MMP26: variants seen among roughly 807,000 people sequenced by gnomAD.
The protein encoded by MMP26 is matrix metalloproteinase-26.
A neutral mutation model predicts 31.0 loss-of-function variants in MMP26; 33 were observed. The ratio of observed to expected loss-of-function variants is 1.06; its 90% CI spans 0.81 to 1.42. The LOEUF (loss-of-function observed/expected upper bound fraction) is 1.42, where lower values mean the gene tolerates loss of function less well. MMP26 is among the 40% of genes most tolerant of loss of function. The pLI, the probability that MMP26 is intolerant of heterozygous loss-of-function variation, is 0.00. For synonymous variants in MMP26, 122 were observed against 114.9 expected, an observed-to-expected ratio of 1.06 and a Z score of -0.40; for missense variants, 347 against 316.1, an observed-to-expected ratio of 1.10 and a Z score of -0.74.
At chr11:4,789,530 CTTTTTTTTTTTTT>C (rs71050429) in intron 2 of MMP26, among the ~76,000 whole-genome samples, 113 of 65,974 alleles carry the variant, frequency 1.7e-3, no homozygotes, top group African/African-American at 5.1e-3. Flanking sequence ...TATCCCCCCA[CTTTTTTTTTTTTT>C]TTTTTTTTTT....
chr11:4,716,650 CTTTTTTTTT>C (rs71050424), intron 1 of MMP26, among the ~76,000 whole-genome samples: 7 of 65,004 alleles, frequency 1.1e-4, no homozygotes, highest in Admixed American at 2.4e-4. Context: ...TCTCTTACCT[CTTTTTTTTT>C]TTTTTTTTTT....
At position 4,874,284 on chromosome 11, in the gene MMP26, T is replaced by C. The variant is rs575489010; in HGVS notation, c.-145+106943T>C. 3.9e-5 allele frequency among the ~76,000 whole-genome samples: 6 copies of C among 152,132 alleles called. No individual in the cohort carries two copies. In the South Asian group the frequency reaches 1.2e-3, roughly 32 times the overall value. ...ATGCATATGTCTAGGGGCTACCATA[T>C]TGGACAGTACTGCACTAAACTACTG... On this transcript the variant is annotated intron_variant, in intron 2 of 7. Coordinates refer to ENST00000380390, the MANE Select transcript of MMP26 (RefSeq NM_021801.5).
chr11:4,858,752 C>G (rs1425774152), intron 2 of MMP26, among the ~76,000 whole-genome samples: 1 of 152,114 alleles, frequency 6.6e-6, no homozygotes, highest in East Asian at 1.9e-4. Context: ...CAAAAAAGAG[C>G]CCGCATTGCC....
intron 1 of MMP26, chr11:4,723,532 G>C: frequency 8.3e-7 from 1 of 1,197,924 alleles, no homozygotes; most frequent in Non-Finnish European, 1.2e-6. Flanking sequence ...GATCTCGTCA[G>C]TCAGCCCTTC....
chr11:4,888,096 G>A (rs1850568304), intron 2 of MMP26, among the ~76,000 whole-genome samples: 1 of 152,112 alleles, frequency 6.6e-6, no homozygotes, highest in Non-Finnish European at 1.5e-5. Flanking sequence ...CTCTGAAACA[G>A]AAATAACAGT....
chr11:4,730,641 T>C (rs1357751464), intron 1 of MMP26, among the ~76,000 whole-genome samples: 1 of 152,210 alleles, frequency 6.6e-6, no homozygotes, highest in Non-Finnish European at 1.5e-5. Context: ...CTACGTTGTC[T>C]CTCTGGATCT....
At chr11:4,848,661 G>C in intron 2 of MMP26, 1 of 1,613,906 alleles carries the variant, frequency 6.2e-7, no homozygotes, top group Non-Finnish European at 8.5e-7. Flanking sequence ...ATAAGAATGG[G>C]TTAGGACCTG....
At chr11:4,868,293 T>C (rs908428946) in intron 2 of MMP26, among the ~76,000 whole-genome samples, 5 of 152,180 alleles carry the variant, frequency 3.3e-5, no homozygotes, top group African/African-American at 9.7e-5. Context: ...TGTTTGCAGA[T>C]GACATGATTG....
chr11:4,741,495 G>T (rs957914730), intron 1 of MMP26, among the ~76,000 whole-genome samples: 2 of 152,118 alleles, frequency 1.3e-5, no homozygotes, highest in East Asian at 1.9e-4. Context: ...CATGTCCTTT[G>T]CAGGGACATG....
At chr11:4,894,255 C>T (rs12576085) in intron 2 of MMP26, among the ~76,000 whole-genome samples, 19,070 of 152,008 alleles carry the variant, frequency 0.13, 1,978 homozygotes, top group East Asian at 0.59. Flanking sequence ...TAGTATTATT[C>T]CTGATTTACA....
chr11:4,988,386 T>C, intron 3 of MMP26, 76 bp downstream of exon 3: 1 of 1,027,148 alleles, frequency 9.7e-7, no homozygotes, highest in South Asian at 1.3e-5. Context: ...TGTGTATGTG[T>C]GACTGCATGG....
chr11:4,853,760 G>A (rs1850009888), intron 2 of MMP26, among the ~76,000 whole-genome samples: 3 of 152,096 alleles, frequency 2.0e-5, no homozygotes, highest in Admixed American at 1.3e-4. Flanking sequence ...TTTAAAAATA[G>A]AGAAGGATTT....
At position 4,943,916 on chromosome 11, in the gene MMP26, C is replaced by G. The variant is rs113467712; in HGVS notation, c.-144-44152C>G. The G allele has an allele frequency of 7.5e-3, 3,211 of 428,776 alleles. 86 individuals carry two copies. The highest frequency in any genetic ancestry group is 0.059 in the African/African-American group (2,868 of 48,640). The allele number at this position is 428,776 out of a possible 1,614,324, so 26.6% of individuals were successfully genotyped here. ...TACTCTTTTATGTGACATCTATGTA[C>G]AATATCCTGAAAGAATAAGATGCTA... On this transcript the variant is annotated intron_variant, in intron 2 of 7. Coordinates refer to ENST00000380390, the MANE Select transcript of MMP26 (RefSeq NM_021801.5).
chr11:4,926,932 A>T (rs1179135915), intron 2 of MMP26, among the ~76,000 whole-genome samples: 1 of 152,170 alleles, frequency 6.6e-6, no homozygotes, highest in East Asian at 1.9e-4. Context: ...TGCAATAGGG[A>T]TTACACAGAA....
chr11:4,823,393 C>T (rs919974308), intron 2 of MMP26, among the ~76,000 whole-genome samples: 1 of 152,134 alleles, frequency 6.6e-6, no homozygotes, highest in Non-Finnish European at 1.5e-5. Flanking sequence ...CAACTTCTCC[C>T]CCAAACAACA....
At chr11:4,916,628 G>A (rs901644259) in intron 2 of MMP26, among the ~76,000 whole-genome samples, 2 of 152,012 alleles carry the variant, frequency 1.3e-5, no homozygotes, top group African/African-American at 4.8e-5. Flanking sequence ...TGGTCTTCCT[G>A]ACATAGAAGC....
rs190152827 is a variant in MMP26, at chr11:4,723,906, G to C, written c.-217+18861G>C. The C allele has an allele frequency of 1.3e-4, 138 of 1,038,908 alleles. 1 individual carries two copies. In the East Asian group the frequency reaches 2.7e-3, roughly 20 times the overall value. The allele number at this position is 1,038,908 out of a possible 1,614,324, so 64.4% of individuals were successfully genotyped here. On this transcript the variant is annotated intron_variant, in intron 1 of 7. Coordinates refer to ENST00000380390, the MANE Select transcript of MMP26 (RefSeq NM_021801.5). ...GGGTCTTGATCTGCTCCTTCTCCTG[G>C]GTGCGCATGGCCTGGATGTTGGGAT... is the stretch of plus-strand genomic sequence containing the variant.
intron 2 of MMP26, among the ~76,000 whole-genome samples, chr11:4,863,318 A>G (rs1850190056): frequency 6.6e-6 from 1 of 151,762 alleles, no homozygotes; most frequent in Non-Finnish European, 1.5e-5. Flanking sequence ...TCTATCTCCC[A>G]ATGAAATTCT....
chr11:4,903,195 C>A (rs1325122534), intron 2 of MMP26, among the ~76,000 whole-genome samples: 2 of 152,096 alleles, frequency 1.3e-5, no homozygotes, highest in South Asian at 4.2e-4. Context: ...ACTCCTCGGA[C>A]GGTTCTAGTG....
Sources: gnomAD v4.1 joint callset for allele counts (sites outside exome capture counted in the v4.1 genomes callset) on GRCh38, gnomAD v4.1.1 for gene constraint, MANE v1.5 for transcripts, NCBI Gene and HGNC (gene_info 2026-07-23, HGNC 2026-07-21) for gene names.